The following NEK1 variants were observed in gnomAD, a reference collection of about 807,000 sequenced individuals.
NEK1 encodes the protein serine/threonine-protein kinase Nek1.
In NEK1, 137 loss-of-function variants were observed where a neutral mutation model predicts 182.1. The ratio of observed to expected loss-of-function variants is 0.75; its 90% confidence interval spans 0.65 to 0.87. NEK1 has a LOEUF of 0.87. Ranked by LOEUF, NEK1 falls within the 40% of genes least tolerant of loss-of-function variation. The pLI, the probability that NEK1 is intolerant of heterozygous loss-of-function variation, is 0.00. For synonymous variants in NEK1, 513 were observed against 492.2 expected (o/e 1.04, Z -0.56); for missense variants, 1,391 against 1,494.4 (o/e 0.93, Z 1.14).
chr4:169,596,839 C>T (rs557145269), intron 5 of NEK1, among the ~76,000 whole-genome samples: 1 of 152,286 alleles, frequency 6.6e-6, no homozygotes, highest in East Asian at 1.9e-4. Flanking sequence ...GCTAACAGAA[C>T]TTGCTATTCA....
At chr4:169,444,938 C>A (rs950180879) in intron 27 of NEK1, among the ~76,000 whole-genome samples, 3 of 152,148 alleles carry the variant, frequency 2.0e-5, no homozygotes, top group Admixed American at 1.3e-4. Flanking sequence ...AGAAATCAAT[C>A]ACGAGAGGAA....
At chr4:169,602,291 G>C (rs1238723506) in intron 3 of NEK1, among the ~76,000 whole-genome samples, 187 bp from the exon 4 acceptor site, 1 of 152,074 alleles carries the variant, frequency 6.6e-6, no homozygotes, top group Non-Finnish European at 1.5e-5. Flanking sequence ...AACTAGATTA[G>C]GTTACAGAAC....
Position 169,561,473 on chromosome 4 carries a change from T to C in NEK1, c.1266+7A>G, listed in dbSNP as rs1762892876. On this transcript the variant is annotated splice_region_variant and intron_variant, in intron 16 of 35. Transcript: ENST00000507142. Reference sequence around the variant, plus strand: ...GTAGTATAACCATATTGGTATAAAATGCCTACCTTTACTTCACCACTTCCA... The same window carrying C: ...GTAGTATAACCATATTGGTATAAAACGCCTACCTTTACTTCACCACTTCCA... 1 of 1,612,492 alleles carries C rather than the reference T, an allele frequency of 6.2e-7. No homozygotes were observed. Among genetic ancestry groups the C allele is most frequent in the African/African-American group, 1.3e-5 (1 of 74,870 alleles).
intron 2 of NEK1, 92 bp downstream of exon 2, chr4:169,611,928 G>A (rs192069555): frequency 2.6e-5 from 4 of 152,246 alleles, no homozygotes; most frequent in African/African-American, 7.2e-5. Flanking sequence ...AGGTATCTGT[G>A]TAATCTCAAT....
chr4:169,606,336 G>C (rs1771332231), intron 2 of NEK1, among the ~76,000 whole-genome samples: 1 of 150,554 alleles, frequency 6.6e-6, no homozygotes, highest in African/African-American at 2.4e-5. Context: ...TACCAAAAAG[G>C]CAAAACAGAA....
intron 19 of NEK1, among the ~76,000 whole-genome samples, chr4:169,510,553 C>T (rs981178573): frequency 3.3e-5 from 5 of 152,086 alleles, no homozygotes; most frequent in African/African-American, 1.2e-4. Context: ...AAATGAGTTT[C>T]CCAACTCATC....
At position 169,549,294 on chromosome 4, in the gene NEK1, T is replaced by C. The variant is rs1761050205; in HGVS notation, c.1562+6426A>G. On this transcript the variant is annotated intron_variant, in intron 18 of 35. Transcript: ENST00000507142. ...CGCCCTCCTTGGGCTGTACACACTG[T>C]CCAACCAGTTCCAATGAGATGAACT... Among the ~76,000 whole-genome samples the C allele has an allele frequency of 3.9e-5, 6 of 152,158 alleles. No individual in the cohort carries two copies. The South Asian group carries it at 1.0e-3, about 26-fold the overall frequency.
chr4:169,569,870 G>C (rs1394561116), intron 12 of NEK1, among the ~76,000 whole-genome samples: 1 of 152,174 alleles, frequency 6.6e-6, no homozygotes, highest in Non-Finnish European at 1.5e-5. Context: ...CGCCTGCCTT[G>C]GCCTTCCAAA....
chr4:169,411,465 T>C (rs1733667147), intron 31 of NEK1, among the ~76,000 whole-genome samples: 1 of 152,166 alleles, frequency 6.6e-6, no homozygotes, highest in African/African-American at 2.4e-5. Context: ...TAGCTGGGAT[T>C]ACAGGCATGT....
intron 23 of NEK1, among the ~76,000 whole-genome samples, chr4:169,480,428 T>A (rs1031578738): frequency 6.6e-6 from 1 of 151,030 alleles, no homozygotes; most frequent in African/African-American, 2.4e-5. Flanking sequence ...AATTTATGTT[T>A]ACACGATTCT....
At chr4:169,494,159 T>G (rs1226574615) in intron 23 of NEK1, among the ~76,000 whole-genome samples, 1 of 152,134 alleles carries the variant, frequency 6.6e-6, no homozygotes, top group Non-Finnish European at 1.5e-5. Flanking sequence ...GCAGGTTTGT[T>G]ACATATGTAT....
rs1738775052 is a variant in NEK1 at position 169,438,164 on chromosome 4, C to G, written c.2683G>C (p.Asp895His). The G allele has an allele frequency of 1.9e-6, 3 of 1,608,368 alleles. No individual in the cohort carries two copies. In the East Asian group the frequency reaches 6.7e-5, roughly 36 times the overall value. ...GGACTTTTTGTCTCAACAGGAGAAT[C>G]AACAATAGCTGATGGGTTTATTTCA... ...SHEINPSAIV[D>H]SPVETKSPEF... The change falls in exon 28 of 36, where the codon GAT (aspartate) becomes CAT (histidine). Residue 895 changes from aspartate (D) to histidine (H), a missense_variant. Asp to His is a moderately conservative substitution (Grantham distance 81). Coordinates refer to ENST00000507142, the MANE Select transcript of NEK1 (RefSeq NM_001199397.3).
intron 18 of NEK1, among the ~76,000 whole-genome samples, chr4:169,545,768 T>C (rs1019148459): frequency 1.3e-5 from 2 of 152,114 alleles, no homozygotes; most frequent in Non-Finnish European, 2.9e-5. Context: ...TAATATCTCA[T>C]AGTGGTTTTG....
chr4:169,560,777 A>G (rs531049673), intron 16 of NEK1, among the ~76,000 whole-genome samples: 55 of 151,944 alleles, frequency 3.6e-4, no homozygotes, highest in African/African-American at 1.3e-3. Flanking sequence ...CTGTTCTTGG[A>G]AAAAAAACTT....
At position 169,561,983 on chromosome 4, in the gene NEK1, T is replaced by C. The variant is rs560843270; in HGVS notation, c.1081-92A>G. ...TTAGTACACCAATGGCAGAGGTATG[T>C]TCAATGAGGTTTTTTTTTTAAAAAA... On this transcript the variant is annotated intron_variant, in intron 13 of 35. Transcript: ENST00000507142. 508 of 1,175,946 alleles carry C rather than the reference T, an allele frequency of 4.3e-4. 1 individual carries two copies. The highest frequency in any genetic ancestry group is 5.7e-4 in the Non-Finnish European group (476 of 842,034). 72.8% of individuals were successfully genotyped at this position (1,175,946 alleles called of 1,614,324 possible).
intron 19 of NEK1, among the ~76,000 whole-genome samples, chr4:169,510,766 C>A (rs1754044967): frequency 6.6e-6 from 1 of 152,146 alleles, no homozygotes; most frequent in Non-Finnish European, 1.5e-5. Flanking sequence ...AGTCATAAAT[C>A]CTACATTCTG....
chr4:169,507,259 T>C (rs1753466362), intron 22 of NEK1, 127 bp from the exon 23 acceptor site: 1 of 567,498 alleles, frequency 1.8e-6, no homozygotes, highest in Non-Finnish European at 2.9e-6. Flanking sequence ...CATGTGGTCT[T>C]AGAATAAAAA....
chr4:169,570,711 C>T (rs944608378), intron 12 of NEK1, among the ~76,000 whole-genome samples: 17 of 152,152 alleles, frequency 1.1e-4, no homozygotes, highest in Non-Finnish European at 2.2e-4. Context: ...GCTATGATGA[C>T]AGTGGCGGTT....
intron 27 of NEK1, among the ~76,000 whole-genome samples, chr4:169,458,564 C>T (rs1250347928): frequency 6.6e-6 from 1 of 152,030 alleles, no homozygotes; most frequent in Non-Finnish European, 1.5e-5. Flanking sequence ...ACCATCTCTA[C>T]AAAACATACA....
Sources: allele counts gnomAD v4.1 joint callset (sites outside exome capture counted in the v4.1 genomes callset), GRCh38; gene constraint gnomAD v4.1.1; transcripts MANE v1.5; gene names NCBI Gene and HGNC (gene_info 2026-07-23, HGNC 2026-07-21).